ETFBKMT: variants seen among roughly 807,000 people sequenced by gnomAD.
ETFBKMT encodes the protein electron transfer flavoprotein beta subunit lysine methyltransferase.
In ETFBKMT, 13 loss-of-function variants were observed where a neutral mutation model predicts 18.3. That is an observed-to-expected ratio of 0.71 (90% CI 0.46 to 1.13). ETFBKMT has a LOEUF of 1.13. Among genes scored for constraint, ETFBKMT ranks in the 50% most tolerant of loss-of-function variants. The pLI, the probability that ETFBKMT is intolerant of heterozygous loss-of-function variation, is 0.00. For synonymous variants in ETFBKMT, 84 were observed against 107.9 expected (o/e 0.78, Z 1.37); for missense variants, 293 against 306.2 (o/e 0.96, Z 0.32).
intron 2 of ETFBKMT, among the ~76,000 whole-genome samples, chr12:31,663,750 G>GT (rs1038367996): frequency 3.3e-5 from 5 of 152,180 alleles, no homozygotes; most frequent in Non-Finnish European, 7.3e-5. Context: ...CCTTTTATAT[G>GT]TTTTTTCCTC....
chr12:31,650,806 T>G (rs1308254109), intron 1 of ETFBKMT, among the ~76,000 whole-genome samples: 2 of 152,136 alleles, frequency 1.3e-5, no homozygotes, highest in African/African-American at 4.8e-5. Flanking sequence ...CTTGAGAGAC[T>G]GTCATTGCAG....
chr12:31,666,280 T>A, intron 3 of ETFBKMT, 63 bp downstream of exon 3: 2 of 1,517,066 alleles, frequency 1.3e-6, no homozygotes, highest in Non-Finnish European at 9.0e-7. Context: ...GATAAATATG[T>A]ACACATGCTC....
intron 3 of ETFBKMT, 72 bp from the exon 4 acceptor site, chr12:31,667,575 A>T (rs1426195258): frequency 5.3e-6 from 6 of 1,134,668 alleles, no homozygotes; most frequent in Non-Finnish European, 7.5e-6. Context: ...GATCTTCTAA[A>T]TTATTTAATC....
intron 2 of ETFBKMT, 22 bp from the exon 3 acceptor site, chr12:31,666,065 A>C (rs371776597): frequency 1.9e-6 from 3 of 1,602,146 alleles, no homozygotes; most frequent in Non-Finnish European, 2.6e-6. Flanking sequence ...TCTCTGAGAC[A>C]TGTTTCTCCT....
At chr12:31,664,213 C>G (rs1264951245) in intron 2 of ETFBKMT, among the ~76,000 whole-genome samples, 1 of 151,926 alleles carries the variant, frequency 6.6e-6, no homozygotes, top group African/African-American at 2.4e-5. Context: ...CAGCGTTTCT[C>G]CATCCCTCTT....
At chr12:31,664,422 C>T (rs1462643440) in intron 2 of ETFBKMT, among the ~76,000 whole-genome samples, 2 of 152,010 alleles carry the variant, frequency 1.3e-5, no homozygotes, top group African/African-American at 4.8e-5. Context: ...AGTCTTAATT[C>T]GTGGTGCTCG....
rs576928823 is a variant in ETFBKMT at position 31,661,588 on chromosome 12, G to A, written c.-113-253G>A. ...CCTCCCGGGTTCAAGCAATTCTCAA[G>A]TAGTGAGATTACAGGTACCCGCCAC... is the stretch of plus-strand genomic sequence containing the variant. On this transcript the variant is annotated intron_variant, in intron 1 of 3. Coordinates refer to ENST00000357721, the MANE Select transcript of ETFBKMT (RefSeq NM_001135863.2). 4.6e-5 allele frequency among the ~76,000 whole-genome samples: 7 copies of A among 151,994 alleles called. No homozygotes were observed. The East Asian group carries it at 1.4e-3, about 29-fold the overall frequency.
chr12:31,662,992 G>A (rs1371667850), intron 2 of ETFBKMT, among the ~76,000 whole-genome samples: 1 of 152,100 alleles, frequency 6.6e-6, no homozygotes, highest in Non-Finnish European at 1.5e-5. Flanking sequence ...TGCAGTGCCT[G>A]TAATCCCAGT....
chr12:31,667,679 T>A lies in ETFBKMT; in HGVS notation c.478T>A (p.Leu160Met). 6.2e-7 allele frequency: 1 copy of A among 1,613,314 alleles called. No individual in the cohort carries two copies. The highest frequency in any genetic ancestry group is 8.5e-7 in the Non-Finnish European group (1 of 1,179,724). ...AATGGCTATTACACTAAATTGTGAATTGAACAGACTGAATCCTTTTCCTAT... is the reference window on the plus strand; with the variant it reads ...AATGGCTATTACACTAAATTGTGAAATGAACAGACTGAATCCTTTTCCTAT... ...AGMAITLNCE[L>M]NRLNPFPILI... The change falls in exon 4 of 4, where the codon TTG becomes ATG. Residue 160 changes from leucine to methionine, a missense_variant. Physicochemically the swap from Leu to Met is conservative, Grantham distance 15 (BLOSUM62 2). Coordinates refer to ENST00000357721, the MANE Select transcript of ETFBKMT (RefSeq NM_001135863.2).
At chr12:31,648,553 G>GTTT (rs1205615667) in intron 1 of ETFBKMT, among the ~76,000 whole-genome samples, 5 of 93,218 alleles carry the variant, frequency 5.4e-5, no homozygotes, top group African/African-American at 7.0e-5. Flanking sequence ...GTAGAGATGG[G>GTTT]TTTCTTTTTT....
chr12:31,666,042 A>G, intron 2 of ETFBKMT, 45 bp from the exon 3 acceptor site: 1 of 1,561,934 alleles, frequency 6.4e-7, no homozygotes, highest in Admixed American at 1.9e-5. Context: ...CCCAACATTT[A>G]TTTTTCCTCA....
intron 2 of ETFBKMT, among the ~76,000 whole-genome samples, chr12:31,665,673 A>G (rs12312333): frequency 0.062 from 9,438 of 152,200 alleles, 620 homozygotes; most frequent in East Asian, 0.18. Flanking sequence ...ATTTACCCAC[A>G]TGTTTATTAA....
chr12:31,654,174 T>C (rs999731823), intron 1 of ETFBKMT, among the ~76,000 whole-genome samples: 1 of 152,120 alleles, frequency 6.6e-6, no homozygotes, highest in Non-Finnish European at 1.5e-5. Flanking sequence ...CTCAGCCTCC[T>C]GAGTAACTGG....
intron 1 of ETFBKMT, among the ~76,000 whole-genome samples, chr12:31,660,569 G>A (rs1245668594): frequency 6.6e-6 from 1 of 152,122 alleles, no homozygotes; most frequent in East Asian, 1.9e-4. Flanking sequence ...TTGCACAGGT[G>A]TTTTTCTGTT....
chr12:31,662,090 A>G lies in ETFBKMT; in HGVS notation c.137A>G (p.Glu46Gly). 1 of 1,614,224 alleles carries G rather than the reference A, an allele frequency of 6.2e-7. No individual in the cohort carries two copies. Among genetic ancestry groups the G allele is most frequent in the Admixed American group, 1.7e-5 (1 of 60,018 alleles). ...WRGAGSFLDP[E>G]IKAFLEENTE... ...GGAGCTGGAAGCTTTTTGGACCCTG[A>G]GATAAAGGCTTTCCTGGAGGAGAAC... is the stretch of plus-strand genomic sequence containing the variant. The change falls in exon 2 of 4, where the codon GAG becomes GGG. Residue 46 changes from glutamate (E) to glycine (G), a missense_variant. By Grantham distance (98) the Glu-to-Gly change is moderately conservative (BLOSUM62 -2). Transcript: ENST00000357721.
intron 2 of ETFBKMT, 92 bp downstream of exon 2, chr12:31,662,359 G>A (rs149452607): frequency 2.1e-5 from 25 of 1,211,668 alleles, no homozygotes; most frequent in African/African-American, 1.2e-4. Flanking sequence ...AATGCTAGGC[G>A]TGGTGGCTCA....
intron 2 of ETFBKMT, among the ~76,000 whole-genome samples, chr12:31,664,468 G>A (rs1951168121): frequency 6.6e-6 from 1 of 152,166 alleles, no homozygotes; most frequent in African/African-American, 2.4e-5. Flanking sequence ...TCAATACTTT[G>A]TCAGCCGAAA....
chr12:31,651,487 G>GCC, intron 1 of ETFBKMT, among the ~76,000 whole-genome samples: 3 of 151,790 alleles, frequency 2.0e-5, no homozygotes, highest in African/African-American at 7.3e-5. Context: ...GTGCCACCAC[G>GCC]CATGGCTAAT....
intron 1 of ETFBKMT, among the ~76,000 whole-genome samples, chr12:31,660,439 A>T (rs1278675584): frequency 1.3e-5 from 2 of 152,152 alleles, no homozygotes; most frequent in Non-Finnish European, 2.9e-5. Flanking sequence ...TGCAGAAGAG[A>T]TCCGAGGTCC....
Sources: gnomAD v4.1 joint callset for allele counts (sites outside exome capture counted in the v4.1 genomes callset) on GRCh38, gnomAD v4.1.1 for gene constraint, MANE v1.5 for transcripts, NCBI Gene and HGNC (gene_info 2026-07-23, HGNC 2026-07-21) for gene names.